Variants in PSD3 observed in about 807,000 individuals in gnomAD.
The protein encoded by PSD3 is PH and SEC7 domain-containing protein 3.
A neutral mutation model predicts 105.5 loss-of-function variants in PSD3; 49 were observed. The ratio of observed to expected loss-of-function variants is 0.46; its 90% CI spans 0.37 to 0.59. The LOEUF is 0.59. Ranked by LOEUF, PSD3 falls within the 20% of genes least tolerant of loss-of-function variation. The pLI, the probability that PSD3 is intolerant of heterozygous loss-of-function variation, is 0.00. For synonymous variants in PSD3, 557 were observed against 457.8 expected (o/e 1.22, Z -2.77); for missense variants, 1,561 against 1,263.8 (o/e 1.24, Z -3.57).
At chr8:18,790,415 G>GC (rs1809597409) in intron 8 of PSD3, among the ~76,000 whole-genome samples, 1 of 149,000 alleles carries the variant, frequency 6.7e-6, no homozygotes, top group Non-Finnish European at 1.5e-5. Context: ...CCATTCTCCT[G>GC]CCTCAGCCTC....
At chr8:18,649,917 C>T (rs919610205) in intron 10 of PSD3, among the ~76,000 whole-genome samples, 4 of 152,172 alleles carry the variant, frequency 2.6e-5, no homozygotes, top group Non-Finnish European at 4.4e-5. Flanking sequence ...CCTGAGGCTT[C>T]CCCAGAAGCT....
At chr8:18,587,395 C>T (rs546917614) in intron 12 of PSD3, among the ~76,000 whole-genome samples, 11 of 149,410 alleles carry the variant, frequency 7.4e-5, no homozygotes, top group South Asian at 2.2e-4. Context: ...CTTTAATTTT[C>T]GTGATACCTT....
chr8:18,590,592 T>G (rs1563354280), intron 12 of PSD3, among the ~76,000 whole-genome samples: 1 of 152,150 alleles, frequency 6.6e-6, no homozygotes. Flanking sequence ...CTGTAAACAG[T>G]TCCTACCATG....
chr8:18,852,741 C>A lies in PSD3; in HGVS notation c.1634+14933G>T, dbSNP rs1348891158. ...TGTGTTTACAGTGTGAGCTTGCCCA[C>A]AACTTCAAATTCATCACCATCATGC... On this transcript the variant is annotated intron_variant, in intron 4 of 15. Coordinates refer to ENST00000327040, the MANE Select transcript of PSD3 (RefSeq NM_015310.4). Among the ~76,000 whole-genome samples, 3 of 152,194 alleles carry A rather than the reference C, an allele frequency of 2.0e-5. No individual in the cohort carries two copies. In the East Asian group the frequency reaches 5.8e-4, roughly 29 times the overall value.
intron 1 of PSD3, among the ~76,000 whole-genome samples, chr8:19,054,768 A>C (rs976593032): frequency 1.3e-5 from 2 of 152,258 alleles, no homozygotes; most frequent in African/African-American, 4.8e-5. Context: ...TCGCTTGATA[A>C]CATCTGATAG....
At chr8:19,077,950 C>T (rs73668930) in intron 1 of PSD3, among the ~76,000 whole-genome samples, 2,939 of 152,190 alleles carry the variant, frequency 0.019, 108 homozygotes, top group African/African-American at 0.063. Context: ...CCATGATAGT[C>T]ATTTGATTAC....
intron 9 of PSD3, among the ~76,000 whole-genome samples, chr8:18,711,188 T>A (rs112546999): frequency 2.0e-4 from 31 of 152,252 alleles, no homozygotes; most frequent in African/African-American, 7.2e-4. Context: ...AAAAACATAC[T>A]GAAGTACACA....
rs115456817 is a variant in PSD3, at chr8:18,841,353, A to G, written c.1634+26321T>C. Among the ~76,000 whole-genome samples the G allele has an allele frequency of 2.6e-3, 398 of 152,324 alleles. 3 individuals carry two copies. Among genetic ancestry groups the G allele is most frequent in the African/African-American group, 8.9e-3 (370 of 41,568 alleles). On this transcript the variant is annotated intron_variant, in intron 4 of 15. Coordinates refer to ENST00000327040, the MANE Select transcript of PSD3 (RefSeq NM_015310.4). ...TTGGGAGTGCTGGGGAGGCCCAGAG[A>G]GTGGAGCTCAGCAGCTCCCATTCAG...
At chr8:18,544,722 G>A (rs1054521297) in intron 15 of PSD3, among the ~76,000 whole-genome samples, 1 of 152,144 alleles carries the variant, frequency 6.6e-6, no homozygotes, top group South Asian at 2.1e-4. Flanking sequence ...CAGTCCAGGA[G>A]GCCTGGGTCT....
chr8:19,061,611 C>T (rs1324081497), intron 1 of PSD3, among the ~76,000 whole-genome samples: 2 of 152,020 alleles, frequency 1.3e-5, no homozygotes, highest in Admixed American at 6.6e-5. Context: ...TTCAAGACCA[C>T]TCTGACCAAT....
At chr8:18,555,503 C>T (rs1348549543) in intron 15 of PSD3, among the ~76,000 whole-genome samples, 2 of 152,122 alleles carry the variant, frequency 1.3e-5, no homozygotes, top group African/African-American at 4.8e-5. Context: ...ATGCTACCTA[C>T]TTTAAAAATA....
At chr8:18,669,788 G>A (rs1213830524) in intron 9 of PSD3, among the ~76,000 whole-genome samples, 1 of 152,220 alleles carries the variant, frequency 6.6e-6, no homozygotes, top group Non-Finnish European at 1.5e-5. Context: ...GGCGAATCCC[G>A]TAATGGTATA....
chr8:18,961,001 T>C (rs1359063418), intron 1 of PSD3, among the ~76,000 whole-genome samples: 1 of 152,054 alleles, frequency 6.6e-6, no homozygotes, highest in Non-Finnish European at 1.5e-5. Context: ...TGGGAGGATC[T>C]ACATGAACCC....
At chr8:18,540,878 G>GTC (rs567073675) in intron 15 of PSD3, among the ~76,000 whole-genome samples, 3 of 152,208 alleles carry the variant, frequency 2.0e-5, no homozygotes, top group Admixed American at 6.5e-5. Flanking sequence ...CCGTGGCCCA[G>GTC]TCTCTCAGTT....
intron 1 of PSD3, among the ~76,000 whole-genome samples, chr8:19,031,626 G>A (rs533471550): frequency 4.7e-4 from 72 of 152,178 alleles, no homozygotes; most frequent in African/African-American, 1.6e-3. Context: ...GGACTAAAAG[G>A]CTCTCTAATA....
chr8:18,857,288 C>T (rs56011165), intron 4 of PSD3, among the ~76,000 whole-genome samples: 6,763 of 152,230 alleles, frequency 0.044, 500 homozygotes, highest in African/African-American at 0.15. Flanking sequence ...TAAACGCTTC[C>T]CAAACTTCAA....
At chr8:18,957,225 G>A (rs1340004717) in intron 1 of PSD3, among the ~76,000 whole-genome samples, 2 of 152,070 alleles carry the variant, frequency 1.3e-5, no homozygotes, top group East Asian at 3.9e-4. Context: ...ACAAAAATTA[G>A]CTGGGCATGG....
intron 9 of PSD3, among the ~76,000 whole-genome samples, chr8:18,746,615 A>G (rs1251062370): frequency 2.0e-5 from 3 of 152,242 alleles, no homozygotes; most frequent in Non-Finnish European, 4.4e-5. Context: ...CCCCTGTAAA[A>G]GACAAATTTA....
intron 1 of PSD3, among the ~76,000 whole-genome samples, chr8:18,942,437 G>A (rs976755360): frequency 4.6e-5 from 7 of 152,144 alleles, no homozygotes; most frequent in Non-Finnish European, 1.0e-4. Context: ...GAAGCTCAAG[G>A]CTAATGCTGC....
Sources: gnomAD v4.1 joint callset for allele counts (sites outside exome capture counted in the v4.1 genomes callset) on GRCh38, gnomAD v4.1.1 for gene constraint, MANE v1.5 for transcripts, NCBI Gene and HGNC (gene_info 2026-07-23, HGNC 2026-07-21) for gene names.